RBFOX1: variants seen among roughly 807,000 people sequenced by gnomAD.
The protein encoded by RBFOX1 is RNA binding fox-1 homolog 1, also known as RNA binding protein fox-1 homolog 1.
A neutral mutation model predicts 57.7 loss-of-function variants in RBFOX1; 8 were observed. The observed-to-expected ratio is 0.14, with a 90% confidence interval of 0.08 to 0.25. The LOEUF (loss-of-function observed/expected upper bound fraction) is 0.25. RBFOX1 is among the 10% of genes least tolerant of loss of function. The pLI is 1.00. For synonymous variants in RBFOX1, 326 were observed against 222.4 expected (o/e 1.47, Z -4.15); for missense variants, 611 against 548.5 (o/e 1.11, Z -1.14).
chr16:6,313,825 T>TA (rs60057850), intron 1 of RBFOX1, among the ~76,000 whole-genome samples: 103,961 of 150,084 alleles, frequency 0.69, 36,482 homozygotes, highest in African/African-American at 0.8. Context: ...ACATTTTAGT[T>TA]AAAAAAAAAA....
intron 3 of RBFOX1, among the ~76,000 whole-genome samples, chr16:6,844,312 A>G (rs552582087): frequency 6.6e-6 from 1 of 152,186 alleles, no homozygotes; most frequent in South Asian, 2.1e-4. Context: ...TAGGTATTAA[A>G]TCTGGTGTTC....
intron 4 of RBFOX1, among the ~76,000 whole-genome samples, chr16:7,295,568 G>T (rs1234008736): frequency 6.6e-6 from 1 of 152,112 alleles, no homozygotes; most frequent in Non-Finnish European, 1.5e-5. Flanking sequence ...TTAAGAACTT[G>T]TATGTCAGTA....
At chr16:6,208,738 C>G (rs760668430) in intron 1 of RBFOX1, among the ~76,000 whole-genome samples, 1 of 152,188 alleles carries the variant, frequency 6.6e-6, no homozygotes, top group Non-Finnish European at 1.5e-5. Flanking sequence ...ATATGCATTT[C>G]TGGTTCTTCT....
At chr16:6,778,037 T>C (rs1387697648) in intron 3 of RBFOX1, among the ~76,000 whole-genome samples, 1 of 152,118 alleles carries the variant, frequency 6.6e-6, no homozygotes, top group Non-Finnish European at 1.5e-5. Context: ...TCATAAGGTG[T>C]GGGATAAATC....
chr16:6,245,398 A>C (rs2097563677), intron 1 of RBFOX1, among the ~76,000 whole-genome samples: 6 of 152,124 alleles, frequency 3.9e-5, no homozygotes, highest in Admixed American at 3.9e-4. Context: ...ATGTATCTGC[A>C]CCAATAATTC....
chr16:6,268,257 A>C (rs1036836618), intron 1 of RBFOX1, among the ~76,000 whole-genome samples: 1 of 152,116 alleles, frequency 6.6e-6, no homozygotes, highest in Non-Finnish European at 1.5e-5. Context: ...ACATCTCTTT[A>C]TGGGGAAACT....
At chr16:6,787,229 A>T (rs2082118316) in intron 3 of RBFOX1, among the ~76,000 whole-genome samples, 1 of 152,160 alleles carries the variant, frequency 6.6e-6, no homozygotes, top group African/African-American at 2.4e-5. Flanking sequence ...TAAAGCAGGC[A>T]GCATTCTCTA....
intron 3 of RBFOX1, among the ~76,000 whole-genome samples, chr16:6,835,126 C>G (rs1322566530): frequency 1.3e-5 from 2 of 152,120 alleles, no homozygotes; most frequent in Admixed American, 6.5e-5. Context: ...TGGTCTCAAT[C>G]TCCTGACCCT....
rs144586404 is a variant in RBFOX1 at position 5,304,931 on chromosome 16, A to G, written c.219+64826A>G. 4.6e-5 allele frequency among the ~76,000 whole-genome samples: 7 copies of G among 152,252 alleles called. No individual in the cohort carries two copies. In the East Asian group the frequency reaches 1.2e-3, roughly 25 times the overall value. Reference sequence around the variant, plus strand: ...CTTCATGACATTACTGGCAATTTGAATCTTGTTTCATGAAATTTGCCTCTT... The same window carrying G: ...CTTCATGACATTACTGGCAATTTGAGTCTTGTTTCATGAAATTTGCCTCTT... On this transcript the variant is annotated intron_variant, in intron 1 of 2. Coordinates refer to the RBFOX1 transcript ENST00000585867.
intron 1 of RBFOX1, among the ~76,000 whole-genome samples, chr16:5,451,570 T>C (rs77731816): frequency 0.013 from 1,909 of 152,310 alleles, 55 homozygotes; most frequent in African/African-American, 0.044. Flanking sequence ...AAGGTGCTTC[T>C]TGTACTTTAG....
At chr16:6,865,508 TG>T (rs1409792156) in intron 3 of RBFOX1, among the ~76,000 whole-genome samples, 5 of 152,174 alleles carry the variant, frequency 3.3e-5, no homozygotes, top group Admixed American at 2.6e-4. Flanking sequence ...ATTTAACACA[TG>T]GTTAATGACT....
chr16:5,568,151 C>G (rs1384972377), intron 2 of RBFOX1, among the ~76,000 whole-genome samples: 1 of 152,208 alleles, frequency 6.6e-6, no homozygotes, highest in Non-Finnish European at 1.5e-5. Flanking sequence ...GCATTGCATT[C>G]AAATGTCTCC....
chr16:5,259,724 A>G (rs1218052473), intron 1 of RBFOX1, among the ~76,000 whole-genome samples: 1 of 152,206 alleles, frequency 6.6e-6, no homozygotes, highest in Non-Finnish European at 1.5e-5. Flanking sequence ...AGTGCAGCTT[A>G]AGTGGAGGTC....
chr16:6,662,318 G>A (rs1357515448), intron 3 of RBFOX1, among the ~76,000 whole-genome samples: 6 of 152,160 alleles, frequency 3.9e-5, no homozygotes, highest in Non-Finnish European at 1.5e-5. Flanking sequence ...TGATGGATAT[G>A]TTAATTAGCT....
intron 3 of RBFOX1, among the ~76,000 whole-genome samples, chr16:6,956,873 C>A (rs1455600492): frequency 3.3e-5 from 5 of 151,982 alleles, no homozygotes; most frequent in Non-Finnish European, 7.4e-5. Context: ...TGACTTCTTT[C>A]CTCATTTGTC....
At chr16:5,827,351 G>C (rs1266426777) in intron 3 of RBFOX1, among the ~76,000 whole-genome samples, 1 of 139,594 alleles carries the variant, frequency 7.2e-6, no homozygotes, top group African/African-American at 2.8e-5. Flanking sequence ...AGTGAGCCAA[G>C]ATCGTGCCAC....
rs187366884 is a variant in RBFOX1, at chr16:5,629,703, A to G, written c.318+30742A>G. ...TTATGTGCTTACCTCCCTTCCTTTC[A>G]GCTTAAGGTTGTGTTTCTCCAACTC... On this transcript the variant is annotated intron_variant, in intron 3 of 19. Transcript: ENST00000641259. Among the ~76,000 whole-genome samples, 574 of 152,236 alleles carry G rather than the reference A, an allele frequency of 3.8e-3. 1 individual carries two copies. Among genetic ancestry groups the G allele is most frequent in the Non-Finnish European group, 5.6e-3 (383 of 68,022 alleles).
At chr16:5,499,678 T>C (rs2043121316) in intron 2 of RBFOX1, among the ~76,000 whole-genome samples, 1 of 152,054 alleles carries the variant, frequency 6.6e-6, no homozygotes, top group South Asian at 2.1e-4. Flanking sequence ...GTTCAAGCCA[T>C]TCTCCTGTCT....
chr16:6,657,929 A>G (rs2098671773), intron 3 of RBFOX1, among the ~76,000 whole-genome samples: 1 of 151,474 alleles, frequency 6.6e-6, no homozygotes, highest in East Asian at 1.9e-4. Flanking sequence ...ATTATTTTTT[A>G]TTTTTCTTTC....
Sources: allele counts gnomAD v4.1 joint callset (sites outside exome capture counted in the v4.1 genomes callset), GRCh38; gene constraint gnomAD v4.1.1; transcripts MANE v1.5; gene names NCBI Gene and HGNC (gene_info 2026-07-23, HGNC 2026-07-21).